The following ALK variants were observed in gnomAD, a reference collection of about 807,000 sequenced individuals.
ALK encodes ALK receptor tyrosine kinase.
In ALK, 74 loss-of-function variants were observed where a neutral mutation model predicts 163.1. The observed-to-expected ratio is 0.45, with a 90% CI of 0.38 to 0.55. The LOEUF is 0.55. Ranked by LOEUF, ALK falls within the 20% of genes least tolerant of loss-of-function variation. ALK has a pLI of 0.00. For synonymous variants in ALK, 960 were observed against 843.2 expected (o/e 1.14, Z -2.40); for missense variants, 2,063 against 2,105.3 (o/e 0.98, Z 0.39).
intron 1 of ALK, among the ~76,000 whole-genome samples, chr2:29,801,324 A>G (rs1349641645): frequency 6.6e-6 from 1 of 152,184 alleles, no homozygotes; most frequent in African/African-American, 2.4e-5. Flanking sequence ...TTTAAGCTCA[A>G]TGACTAGTCA....
intron 3 of ALK, among the ~76,000 whole-genome samples, chr2:29,564,950 T>C (rs1674137356): frequency 6.6e-6 from 1 of 152,190 alleles, no homozygotes; most frequent in South Asian, 2.1e-4. Context: ...GGGCATTCAC[T>C]AGAATACCCT....
At position 29,193,501 on chromosome 2, in the gene ALK, T is replaced by C. The variant is rs1011355630; in HGVS notation, c.4586A>G (p.Asp1529Gly). Residue 1529 changes from aspartate (D) to glycine (G), a missense_variant, in exon 29 of 29, where the codon GAC (aspartate) becomes GGC (glycine). Transcript: ENST00000389048. ...TCCCTCCAGCCCCAGGTTACCCCTG[T>C]CGTGTGGCTCCTTCTTTGCTATAGG... is the stretch of plus-strand genomic sequence containing the variant. ...NNPIAKKEPH[D>G]RGNLGLEGSC... is the part of the protein sequence containing the mutation. 4 of 1,614,190 alleles carry C rather than the reference T, an allele frequency of 2.5e-6. No homozygotes were observed. Among genetic ancestry groups the C allele is most frequent in the Non-Finnish European group, 3.4e-6 (4 of 1,180,026 alleles).
Position 29,712,976 on chromosome 2 carries a change from G to A in ALK, c.787+4602C>T, listed in dbSNP as rs11889117. Among the ~76,000 whole-genome samples, 568 of 152,184 alleles carry A rather than the reference G, an allele frequency of 3.7e-3. 3 individuals carry two copies. Among genetic ancestry groups the A allele is most frequent in the African/African-American group, 0.013 (522 of 41,518 alleles). ...CATCAACTGGGTGGCTTAAAATAAC[G>A]GAAATTTATTTTCTCACAGTTTTGG... On this transcript the variant is annotated intron_variant, in intron 2 of 28. Coordinates refer to ENST00000389048, the MANE Select transcript of ALK (RefSeq NM_004304.5).
chr2:29,253,636 G>A (rs998744290), intron 11 of ALK, among the ~76,000 whole-genome samples: 1 of 151,972 alleles, frequency 6.6e-6, no homozygotes, highest in Non-Finnish European at 1.5e-5. Flanking sequence ...AGGGATGGGG[G>A]CAGGGAGAAA....
At chr2:29,843,626 A>G (rs11127238) in intron 1 of ALK, among the ~76,000 whole-genome samples, 39,510 of 152,062 alleles carry the variant, frequency 0.26, 6,134 homozygotes, top group East Asian at 0.54. Flanking sequence ...CTATTGTAGA[A>G]CCCTGGCCAA....
At chr2:29,385,503 C>T (rs1279183083) in intron 4 of ALK, among the ~76,000 whole-genome samples, 3 of 151,792 alleles carry the variant, frequency 2.0e-5, no homozygotes, top group Admixed American at 2.0e-4. Flanking sequence ...GATCCTCCTA[C>T]CTCAGCCTCC....
At chr2:29,362,276 C>T (rs1301472095) in intron 5 of ALK, among the ~76,000 whole-genome samples, 1 of 152,170 alleles carries the variant, frequency 6.6e-6, no homozygotes, top group Non-Finnish European at 1.5e-5. Context: ...CCTTCCTTCT[C>T]TTTTTCCTTC....
chr2:29,713,744 A>T (rs2148304100), intron 2 of ALK, among the ~76,000 whole-genome samples: 1 of 152,370 alleles, frequency 6.6e-6, no homozygotes. Context: ...TTGTATTTCC[A>T]TAAAAATAAA....
At chr2:29,261,988 A>G (rs1318749441) in intron 11 of ALK, among the ~76,000 whole-genome samples, 1 of 152,224 alleles carries the variant, frequency 6.6e-6, no homozygotes, top group Non-Finnish European at 1.5e-5. Flanking sequence ...CTAACTTCAG[A>G]TAAAAGGATG....
rs774123293 is a variant in ALK, at chr2:29,694,888, T to C, written c.914A>G (p.Asp305Gly). The change falls in exon 3 of 29, where the codon GAT becomes GGT. Residue 305 changes from aspartate to glycine, a missense_variant. By Grantham distance (94) the Asp-to-Gly change is moderately conservative (BLOSUM62 -1). Coordinates refer to ENST00000389048, the MANE Select transcript of ALK (RefSeq NM_004304.5). ...CTTAGAACGCTCTGCCCCAGGCCCA[T>C]CCAGCAAGTCCATCTGGGAGGCCTC... ...SEEASQMDLL[D>G]GPGAERSKEM... is the part of the protein sequence containing the mutation. 1.9e-6 allele frequency: 3 copies of C among 1,614,004 alleles called. No homozygotes were observed. Among genetic ancestry groups the C allele is most frequent in the Non-Finnish European group, 1.7e-6 (2 of 1,179,966 alleles).
chr2:29,634,290 C>T (rs1019267953), intron 3 of ALK, among the ~76,000 whole-genome samples: 5 of 152,014 alleles, frequency 3.3e-5, no homozygotes, highest in Non-Finnish European at 7.4e-5. Flanking sequence ...TAGTATTACT[C>T]CAAAACCAAA....
At chr2:29,274,566 C>T (rs1665478430) in intron 11 of ALK, among the ~76,000 whole-genome samples, 1 of 152,206 alleles carries the variant, frequency 6.6e-6, no homozygotes, top group Admixed American at 6.5e-5. Context: ...ACGAGTTCTG[C>T]TGAAGTGGCA....
intron 1 of ALK, among the ~76,000 whole-genome samples, chr2:29,751,070 A>G (rs1239538812): frequency 5.3e-5 from 8 of 152,162 alleles, no homozygotes. Flanking sequence ...ACTCCATCTC[A>G]AAAGGAAGGG....
At chr2:29,617,157 C>A (rs567196093) in intron 3 of ALK, among the ~76,000 whole-genome samples, 2 of 152,324 alleles carry the variant, frequency 1.3e-5, no homozygotes, top group Admixed American at 1.3e-4. Context: ...ATAAAGCTCT[C>A]CTTTCTACTA....
intron 1 of ALK, among the ~76,000 whole-genome samples, chr2:29,888,716 C>T (rs1667055930): frequency 6.6e-6 from 1 of 152,088 alleles, no homozygotes; most frequent in Admixed American, 6.5e-5. Context: ...CTATTAATTT[C>T]CCAAAAAGGA....
intron 11 of ALK, among the ~76,000 whole-genome samples, chr2:29,271,618 C>T (rs1043824422): frequency 4.6e-5 from 7 of 152,196 alleles, no homozygotes; most frequent in East Asian, 1.9e-4. Context: ...TCACATTAAC[C>T]CCCCTCATCT....
chr2:29,814,985 AAT>A (rs1388837202), intron 1 of ALK, among the ~76,000 whole-genome samples: 43 of 148,756 alleles, frequency 2.9e-4, no homozygotes, highest in Non-Finnish European at 5.8e-4. Context: ...GAAATGAATG[AAT>A]GAATGAATGA....
chr2:29,652,879 T>C (rs1347523057), intron 3 of ALK, among the ~76,000 whole-genome samples: 4 of 152,090 alleles, frequency 2.6e-5, no homozygotes, highest in Admixed American at 2.0e-4. Context: ...TTCTTTGTAA[T>C]ATCCTTTATA....
At chr2:29,908,214 C>T (rs1208658422) in intron 1 of ALK, among the ~76,000 whole-genome samples, 3 of 152,224 alleles carry the variant, frequency 2.0e-5, no homozygotes, top group African/African-American at 4.8e-5. Flanking sequence ...CCAGGCTAAC[C>T]TCTAGTTCAG....
Sources: gnomAD v4.1 joint callset for allele counts (sites outside exome capture counted in the v4.1 genomes callset) on GRCh38, gnomAD v4.1.1 for gene constraint, MANE v1.5 for transcripts, NCBI Gene and HGNC (gene_info 2026-07-23, HGNC 2026-07-21) for gene names.